Variants in CASTOR2 observed in about 807,000 individuals in gnomAD.
CASTOR2 encodes cytosolic arginine sensor for mTORC1 subunit 2.
Under a neutral mutation model 31.2 loss-of-function variants are expected in CASTOR2, and 8 were observed. That is an observed-to-expected ratio of 0.26 (90% CI 0.15 to 0.46). CASTOR2 has a LOEUF of 0.46. Among genes scored for constraint, CASTOR2 ranks in the 20% least tolerant of loss-of-function variants. CASTOR2 has a pLI of 0.99. For missense variants in CASTOR2, 216 were observed against 382.1 expected, an observed-to-expected ratio of 0.57 and a Z score of 3.62; for synonymous variants, 162 against 158.7, an observed-to-expected ratio of 1.02 and a Z score of -0.16.
At chr7:74,999,212 G>A (rs1431636706) in intron 1 of CASTOR2, among the ~76,000 whole-genome samples, 2 of 151,742 alleles carry the variant, frequency 1.3e-5, no homozygotes, top group African/African-American at 2.4e-5. Flanking sequence ...GGGTTTAACC[G>A]TGTTAGCCAG....
At chr7:74,991,416 C>T (rs1554437337) in intron 1 of CASTOR2, among the ~76,000 whole-genome samples, 1 of 152,124 alleles carries the variant, frequency 6.6e-6, no homozygotes, top group Non-Finnish European at 1.5e-5. Context: ...TCCTGTCCAG[C>T]CCCCAGTGCC....
chr7:74,999,601 C>CT (rs1158456043), intron 1 of CASTOR2, among the ~76,000 whole-genome samples: 4,261 of 45,650 alleles, frequency 0.093, 1,479 homozygotes, highest in East Asian at 0.22. Context: ...TCACTCACTG[C>CT]TTTTTTTTTT....
At position 75,020,117 on chromosome 7, in the gene CASTOR2, C is replaced by T; in HGVS notation, c.714C>T (p.Ile238=). The part of the protein sequence containing the change: ...FFSFSLIEGY[I]SLVMDVQTQQ... ...CCTTCTCCCTCATCGAGGGCTACAT[C>T]TCCCTGGTGATGGACGTGCAGACGC... The change falls in exon 6 of 9, where the codon ATC becomes ATT. Residue 238 remains isoleucine, a synonymous_variant. Coordinates refer to ENST00000616305, the MANE Select transcript of CASTOR2 (RefSeq NM_001145064.3). 2 of 1,551,550 alleles carry T rather than the reference C, an allele frequency of 1.3e-6. No homozygotes were observed. Among genetic ancestry groups the T allele is most frequent in the Non-Finnish European group, 1.7e-6 (2 of 1,146,848 alleles).
chr7:75,004,670 C>T (rs1291431655), intron 1 of CASTOR2, among the ~76,000 whole-genome samples: 1 of 152,210 alleles, frequency 6.6e-6, no homozygotes, highest in Admixed American at 6.5e-5. Context: ...TGGTCTCAAA[C>T]TCCTGACCTC....
At chr7:75,019,445 A>G (rs1454559534) in intron 5 of CASTOR2, among the ~76,000 whole-genome samples, 1 of 151,824 alleles carries the variant, frequency 6.6e-6, no homozygotes, top group Non-Finnish European at 1.5e-5. Context: ...CCACCCCGGA[A>G]CTAGTTTGGG....
At position 74,992,984 on chromosome 7, in the gene CASTOR2, A is replaced by C. The variant is rs587643931; in HGVS notation, c.114-15010A>C. Among the ~76,000 whole-genome samples the C allele has an allele frequency of 3.2e-4, 49 of 152,110 alleles. 1 individual carries two copies. The South Asian group carries it at 0.01, about 32-fold the overall frequency. On this transcript the variant is annotated intron_variant, in intron 1 of 8. Transcript: ENST00000616305. ...GGGAGGCCGAGGCAGGTGGATCATG[A>C]GGTCAAGAGATCAAGACTATCCTGG...
intron 1 of CASTOR2, among the ~76,000 whole-genome samples, chr7:74,975,221 G>T (rs1486728807): frequency 3.3e-5 from 5 of 151,458 alleles, no homozygotes; most frequent in African/African-American, 4.8e-5. Context: ...GCCCGCCTTG[G>T]CCTCCCAACG....
Position 75,020,046 on chromosome 7 carries a change from G to A in CASTOR2, c.643G>A (p.Asp215Asn). 6.4e-7 allele frequency: 1 copy of A among 1,551,358 alleles called. No homozygotes were observed. The highest frequency in any genetic ancestry group is 1.2e-5 in the South Asian group (1 of 84,046). The change falls in exon 6 of 9, where the codon GAC becomes AAC. Residue 215 changes from aspartate to asparagine, a missense_variant. This residue lies in a region of CASTOR2 where 44 missense variants were observed against 57.5 expected (regional missense o/e 0.76). Coordinates refer to ENST00000616305, the MANE Select transcript of CASTOR2 (RefSeq NM_001145064.3). The stretch of plus-strand genomic sequence containing the variant: ...GCTGCCTCTGGTCCCCAGAGTGAAG[G>A]ACCCCATGGCCACTGGGGATGACTG... Reference protein sequence around the residue: ...DVMFYSNGVKDPMATGDDCGH... With the variant: ...DVMFYSNGVKNPMATGDDCGH...
chr7:75,027,249 G>T lies in CASTOR2; in HGVS notation c.*2550G>T, dbSNP rs1260986241. On this transcript the variant is annotated 3_prime_UTR_variant, in exon 9 of 9. Transcript: ENST00000616305. ...AAAGAGCCTGTGACATGGGACGTGG[G>T]AAGGGTGCTGAGAGCCCGCTGTGGC... 6.6e-6 allele frequency: 1 copy of T among 152,352 alleles called. No homozygotes were observed. The highest frequency in any genetic ancestry group is 1.5e-5 in the Non-Finnish European group (1 of 68,070). 9.4% of individuals were successfully genotyped at this position (152,352 alleles called of 1,614,324 possible).
At position 75,007,968 on chromosome 7, in the gene CASTOR2, T is replaced by C. The variant is rs1554438939; in HGVS notation, c.114-26T>C. ...AGGGGACCTGCCTGGACTAATGAGA[T>C]ATTCTGTGTCTGTCCATCCATCCAG... On this transcript the variant is annotated intron_variant, in intron 1 of 8. Coordinates refer to ENST00000616305, the MANE Select transcript of CASTOR2 (RefSeq NM_001145064.3). 7.4e-6 allele frequency: 12 copies of C among 1,613,774 alleles called. No homozygotes were observed. In the Admixed American group the frequency reaches 2.0e-4, roughly 27 times the overall value.
chr7:75,018,161 C>T (rs1417798260), intron 4 of CASTOR2, 39 bp downstream of exon 4: 25 of 1,605,840 alleles, frequency 1.6e-5, no homozygotes, highest in Middle Eastern at 1.7e-4. Context: ...GGAAACCTCA[C>T]GAAGTTACCA....
intron 1 of CASTOR2, among the ~76,000 whole-genome samples, chr7:74,988,882 A>G (rs1271392695): frequency 4.1e-5 from 6 of 147,024 alleles, no homozygotes; most frequent in African/African-American, 1.5e-4. Context: ...TCCACATTGC[A>G]TTTCAAAATG....
At chr7:75,020,714 C>T (rs993341446) in intron 6 of CASTOR2, among the ~76,000 whole-genome samples, 8 of 152,048 alleles carry the variant, frequency 5.3e-5, no homozygotes, top group African/African-American at 1.9e-4. Flanking sequence ...TGGTCTGGAT[C>T]TCCTGACCTT....
At chr7:74,972,361 C>T (rs1273363351) in intron 1 of CASTOR2, among the ~76,000 whole-genome samples, 2 of 149,894 alleles carry the variant, frequency 1.3e-5, no homozygotes, top group East Asian at 2.0e-4. Context: ...CTCAGACGCT[C>T]CACCTGCCTT....
At chr7:75,013,424 C>G (rs1488876906) in intron 2 of CASTOR2, among the ~76,000 whole-genome samples, 2 of 152,016 alleles carry the variant, frequency 1.3e-5, no homozygotes, top group Non-Finnish European at 2.9e-5. Flanking sequence ...GCAGGTAGAT[C>G]GCTTGAGCCC....
chr7:74,986,690 G>A (rs1166366796), intron 1 of CASTOR2, among the ~76,000 whole-genome samples: 1 of 152,064 alleles, frequency 6.6e-6, no homozygotes, highest in Non-Finnish European at 1.5e-5. Context: ...AGACAGCACA[G>A]CTCCTACCTA....
chr7:75,000,367 A>G (rs2131939223), intron 1 of CASTOR2, among the ~76,000 whole-genome samples: 1 of 152,258 alleles, frequency 6.6e-6, no homozygotes, highest in Non-Finnish European at 1.5e-5. Flanking sequence ...TCATTCCCTC[A>G]CTTGGATAGG....
intron 1 of CASTOR2, among the ~76,000 whole-genome samples, chr7:74,988,459 A>G (rs1312173327): frequency 2.6e-5 from 4 of 151,716 alleles, no homozygotes; most frequent in African/African-American, 9.7e-5. Flanking sequence ...CACTGCGCCC[A>G]GCTAATTTTT....
chr7:75,006,646 G>A (rs1442103306), intron 1 of CASTOR2, among the ~76,000 whole-genome samples: 157 of 152,186 alleles, frequency 1.0e-3, no homozygotes, highest in Non-Finnish European at 1.6e-3. Flanking sequence ...TAATCCCCAC[G>A]TGTCAAGGGT....
Sources: allele counts gnomAD v4.1 joint callset (sites outside exome capture counted in the v4.1 genomes callset), GRCh38; gene constraint gnomAD v4.1.1; regional missense constraint gnomAD v4.1.1; transcripts MANE v1.5; gene names NCBI Gene and HGNC (gene_info 2026-07-23, HGNC 2026-07-21).